The following SP100 variants were observed in gnomAD, a reference collection of about 807,000 sequenced individuals.
SP100 encodes SP100 nuclear body protein.
In SP100, 84 loss-of-function variants were observed where a neutral mutation model predicts 130.0. That is an observed-to-expected ratio of 0.65 (90% CI 0.54 to 0.77). The LOEUF (loss-of-function observed/expected upper bound fraction) is 0.77. Among genes scored for constraint, SP100 ranks in the 30% least tolerant of loss-of-function variants. The probability of loss-of-function intolerance (pLI) is 0.00; values close to 1 mark genes in which losing one functional copy is unlikely to be tolerated. For missense variants in SP100, 978 were observed against 1,052.2 expected (o/e 0.93, Z 0.97); for synonymous variants, 331 against 351.7 (o/e 0.94, Z 0.66).
At position 230,463,584 on chromosome 2, in the gene SP100, T is replaced by A. The variant is rs553329902; in HGVS notation, c.1058-483T>A. ...AATTTGCATTAGTTTTTAGACAATATGTACTCTAACTTTGAACTTAGTGTA... is the reference window on the plus strand; with the variant it reads ...AATTTGCATTAGTTTTTAGACAATAAGTACTCTAACTTTGAACTTAGTGTA... On this transcript the variant is annotated intron_variant, in intron 10 of 28. Coordinates refer to ENST00000340126, the MANE Select transcript of SP100 (RefSeq NM_001080391.2). 6.2e-4 allele frequency: 95 copies of A among 152,824 alleles called. 1 individual carries two copies. Among genetic ancestry groups the A allele is most frequent in the Non-Finnish European group, 1.2e-3 (84 of 68,436 alleles). 9.5% of individuals were successfully genotyped at this position (152,824 alleles called of 1,614,324 possible).
intron 19 of SP100, among the ~76,000 whole-genome samples, chr2:230,500,284 G>C (rs1202422770): frequency 6.6e-6 from 1 of 152,154 alleles, no homozygotes; most frequent in Non-Finnish European, 1.5e-5. Flanking sequence ...TACAATTGTA[G>C]TGAGGTGCTG....
chr2:230,516,020 C>CAAA (rs35666795), intron 24 of SP100: 77,468 of 898,982 alleles, frequency 0.086, 821 homozygotes, highest in Middle Eastern at 0.12. Flanking sequence ...TCTGTAATTG[C>CAAA]AAAAAAAAAA....
chr2:230,470,959 C>A (rs939582359), intron 15 of SP100, among the ~76,000 whole-genome samples: 1 of 137,554 alleles, frequency 7.3e-6, no homozygotes, highest in Non-Finnish European at 1.6e-5. Context: ...CATACATAAA[C>A]ACACACATAT....
At chr2:230,438,646 TATACACAC>T (rs1350673940) in intron 2 of SP100, among the ~76,000 whole-genome samples, 4 of 99,022 alleles carry the variant, frequency 4.0e-5, no homozygotes, top group African/African-American at 7.2e-5. Context: ...GGTGTATATA[TATACACAC>T]ACACACACAC....
At chr2:230,483,049 C>T (rs943060190) in intron 17 of SP100, among the ~76,000 whole-genome samples, 7 of 152,050 alleles carry the variant, frequency 4.6e-5, no homozygotes, top group African/African-American at 1.4e-4. Flanking sequence ...CTTTTTAGAC[C>T]CTTTATTCAT....
chr2:230,457,289 C>A (rs1485689204), intron 8 of SP100, among the ~76,000 whole-genome samples: 1 of 152,218 alleles, frequency 6.6e-6, no homozygotes, highest in East Asian at 1.9e-4. Flanking sequence ...TTGAAGCCAG[C>A]TTGCTGCTAG....
intron 2 of SP100, among the ~76,000 whole-genome samples, chr2:230,438,563 T>C (rs1389784365): frequency 6.6e-6 from 1 of 151,638 alleles, no homozygotes. Flanking sequence ...CTTAGAATAA[T>C]GGTCTCCAAC....
In SP100 at chr2:230,428,446, C is replaced by CT. The variant is rs556816962; in HGVS notation, c.107+10795dup. 1.2e-3 allele frequency among the ~76,000 whole-genome samples: 173 copies of CT among 145,128 alleles called. 1 individual carries two copies. Among genetic ancestry groups the CT allele is most frequent in the Admixed American group, 2.8e-3 (41 of 14,592 alleles). On this transcript the variant is annotated intron_variant, in intron 2 of 28. Transcript: ENST00000340126. ...AGACTGAAGGGAGAAGTGCTACACA[C>CT]TTTTTTTTTTTTTTGAGACGGAGTC...
At position 230,542,937 on chromosome 2, in the gene SP100, G is replaced by A; in HGVS notation, c.2649G>A (p.Met883Ile). 1 of 1,577,390 alleles carries A rather than the reference G, an allele frequency of 6.3e-7. No individual in the cohort carries two copies. The highest frequency in any genetic ancestry group is 1.1e-5 in the South Asian group (1 of 90,134). Residue 883 changes from methionine to isoleucine, a missense_variant, in exon 29 of 29, where the codon ATG (methionine) becomes ATA (isoleucine). Met to Ile is a conservative substitution (Grantham distance 10). Coordinates refer to ENST00000340126, the MANE Select transcript of SP100 (RefSeq NM_001080391.2). ...AGGAAACAAGCAAGAACATTATAAT[G>A]TTTATTTAGCCATTCTTATCTCCTC... Reference protein sequence around the residue: ...AIQETSKNIIMFI With the variant: ...AIQETSKNIIIFI
intron 22 of SP100, 98 bp from the exon 23 acceptor site, chr2:230,507,895 G>A (rs765807473): frequency 6.1e-6 from 6 of 987,642 alleles, no homozygotes; most frequent in Non-Finnish European, 9.2e-6. Flanking sequence ...TTAATAGTGG[G>A]ATATCCAGGT....
At chr2:230,495,719 CTTCT>C (rs1205369905) in intron 18 of SP100, among the ~76,000 whole-genome samples, 3 of 152,166 alleles carry the variant, frequency 2.0e-5, no homozygotes, top group African/African-American at 7.2e-5. Flanking sequence ...TTTTCTTCCT[CTTCT>C]TTGTCTCTCT....
chr2:230,541,086 C>A, intron 26 of SP100, 90 bp downstream of exon 26: 2 of 1,484,546 alleles, frequency 1.3e-6, no homozygotes, highest in South Asian at 1.3e-5. Context: ...GGAATGGAGC[C>A]CAAAAGCAAA....
At chr2:230,506,483 C>G in intron 22 of SP100, 38 bp downstream of exon 22, 1 of 1,606,598 alleles carries the variant, frequency 6.2e-7, no homozygotes, top group Non-Finnish European at 8.5e-7. Context: ...AAGGATTTAG[C>G]TGTCATGCTT....
At chr2:230,506,036 T>C (rs1332694896) in intron 21 of SP100, among the ~76,000 whole-genome samples, 4 of 152,084 alleles carry the variant, frequency 2.6e-5, no homozygotes, top group Admixed American at 6.6e-5. Flanking sequence ...CTTTGGAATA[T>C]AGCAAAATAC....
chr2:230,447,467 C>A (rs1014986735), intron 5 of SP100, among the ~76,000 whole-genome samples: 1 of 152,228 alleles, frequency 6.6e-6, no homozygotes. Flanking sequence ...GAATGCCCCC[C>A]ACTTCAGATG....
chr2:230,529,890 TCAAGGAGAACTA>T (rs950256388), intron 24 of SP100, among the ~76,000 whole-genome samples: 1 of 152,088 alleles, frequency 6.6e-6, no homozygotes, highest in Non-Finnish European at 1.5e-5. Flanking sequence ...AAGGACCTCT[TCAAGGAGAACTA>T]CAAACCACTG....
chr2:230,535,815 G>T (rs1691909883), intron 24 of SP100, among the ~76,000 whole-genome samples: 1 of 140,716 alleles, frequency 7.1e-6, no homozygotes, highest in South Asian at 2.3e-4. Flanking sequence ...GCTGAGGCAG[G>T]AGGATCACTT....
chr2:230,538,960 T>C (rs555285466), intron 24 of SP100: 160 of 248,508 alleles, frequency 6.4e-4, no homozygotes, highest in Non-Finnish European at 1.2e-3. Context: ...AAAGACACTA[T>C]TTCTGGGCCA....
chr2:230,467,256 G>A, intron 13 of SP100, 41 bp downstream of exon 13: 1 of 1,406,246 alleles, frequency 7.1e-7, no homozygotes, highest in Non-Finnish European at 1.0e-6. Context: ...TGACTTCAGA[G>A]CACCTCTTCC....
Sources: allele counts gnomAD v4.1 joint callset (sites outside exome capture counted in the v4.1 genomes callset), GRCh38; gene constraint gnomAD v4.1.1; transcripts MANE v1.5; gene names NCBI Gene and HGNC (gene_info 2026-07-23, HGNC 2026-07-21).